The following PLCB1 variants were observed in gnomAD, a reference collection of about 807,000 sequenced individuals.
PLCB1 encodes the protein phospholipase C beta 1, also known as 1-phosphatidylinositol 4,5-bisphosphate phosphodiesterase beta-1.
Under a neutral mutation model 161.8 loss-of-function variants are expected in PLCB1, and 46 were observed. The observed-to-expected ratio is 0.28, with a 90% CI of 0.22 to 0.36. PLCB1 has a LOEUF of 0.36. Ranked by LOEUF, PLCB1 falls within the 10% of genes least tolerant of loss-of-function variation. The pLI, the probability that PLCB1 is intolerant of heterozygous loss-of-function variation, is 1.00. For missense variants in PLCB1, 1,016 were observed against 1,472.5 expected (o/e 0.69, Z 5.07); for synonymous variants, 517 against 503.7 (o/e 1.03, Z -0.35).
chr20:8,670,435 T>C (rs1989914632), intron 9 of PLCB1, among the ~76,000 whole-genome samples: 1 of 152,194 alleles, frequency 6.6e-6, no homozygotes, highest in Non-Finnish European at 1.5e-5. Context: ...CAGAAAGCTG[T>C]GAGCACTGCG....
chr20:8,506,017 A>T (rs1252443063), intron 3 of PLCB1, among the ~76,000 whole-genome samples: 2 of 152,180 alleles, frequency 1.3e-5, no homozygotes, highest in East Asian at 3.8e-4. Flanking sequence ...GCCCTGCTGT[A>T]TGGAGGAGTG....
intron 9 of PLCB1, among the ~76,000 whole-genome samples, chr20:8,673,505 C>G (rs913550236): frequency 2.0e-5 from 3 of 152,218 alleles, no homozygotes; most frequent in Admixed American, 2.0e-4. Context: ...ACTCAGCCCC[C>G]CAAATCCCTG....
At chr20:8,527,423 C>T (rs1297660835) in intron 3 of PLCB1, among the ~76,000 whole-genome samples, 1 of 151,982 alleles carries the variant, frequency 6.6e-6, no homozygotes, top group Non-Finnish European at 1.5e-5. Context: ...AATAACTATA[C>T]TGCGAGTCAA....
intron 2 of PLCB1, among the ~76,000 whole-genome samples, chr20:8,337,725 CAA>C (rs1395693302): frequency 6.6e-6 from 1 of 152,118 alleles, no homozygotes; most frequent in Non-Finnish European, 1.5e-5. Context: ...AACCCTTTTG[CAA>C]AGTTACACCA....
chr20:8,449,894 C>T (rs1980996518), intron 3 of PLCB1, among the ~76,000 whole-genome samples: 2 of 152,162 alleles, frequency 1.3e-5, no homozygotes, highest in Admixed American at 1.3e-4. Context: ...CATAATCTTA[C>T]TAATGGACTA....
chr20:8,340,783 C>T (rs1464342361), intron 2 of PLCB1, among the ~76,000 whole-genome samples: 3 of 152,152 alleles, frequency 2.0e-5, no homozygotes, highest in Non-Finnish European at 4.4e-5. Context: ...TACCACCGGC[C>T]GAATACCTAA....
intron 3 of PLCB1, among the ~76,000 whole-genome samples, chr20:8,461,077 T>C (rs934213775): frequency 1.3e-5 from 2 of 152,208 alleles, no homozygotes; most frequent in Non-Finnish European, 2.9e-5. Flanking sequence ...TTAATTAATC[T>C]AAATTTAAAT....
intron 2 of PLCB1, among the ~76,000 whole-genome samples, chr20:8,287,246 A>T (rs1020395540): frequency 3.9e-5 from 6 of 152,102 alleles, no homozygotes; most frequent in Non-Finnish European, 8.8e-5. Flanking sequence ...TATATTTAAT[A>T]TTTAATAGTG....
chr20:8,411,451 G>A (rs928741887), intron 3 of PLCB1, among the ~76,000 whole-genome samples: 13 of 152,104 alleles, frequency 8.5e-5, no homozygotes, highest in African/African-American at 2.4e-4. Flanking sequence ...AAACAAGAGT[G>A]GGAACATTTA....
intron 4 of PLCB1, among the ~76,000 whole-genome samples, chr20:8,633,044 A>T (rs1469541808): frequency 1.3e-5 from 2 of 151,372 alleles, no homozygotes; most frequent in African/African-American, 4.9e-5. Context: ...GTTGCTAATG[A>T]CTTAGACCAA....
At chr20:8,284,162 G>T (rs1256855910) in intron 2 of PLCB1, among the ~76,000 whole-genome samples, 2 of 151,932 alleles carry the variant, frequency 1.3e-5, no homozygotes, top group Non-Finnish European at 2.9e-5. Context: ...AATGCTTACT[G>T]CTAGTCTTTT....
intron 3 of PLCB1, among the ~76,000 whole-genome samples, chr20:8,440,401 T>TA (rs893386134): frequency 1.3e-5 from 2 of 152,230 alleles, no homozygotes; most frequent in Non-Finnish European, 2.9e-5. Context: ...ACTTGACTGT[T>TA]ACAGCTAGAA....
rs544813191 is a variant in PLCB1, at chr20:8,865,716, A to C, written c.3424-15906A>C. 1.2e-4 allele frequency among the ~76,000 whole-genome samples: 18 copies of C among 152,280 alleles called. 1 individual carries two copies. Among genetic ancestry groups the C allele is most frequent in the Admixed American group, 1.0e-3 (16 of 15,294 alleles). ...GGGAAAGAAATAGTAGAGATTCCCC[A>C]TATGTCCCCAAAAAGCCCTGCCCTA... On this transcript the variant is annotated intron_variant, in intron 31 of 31. Transcript: ENST00000338037.
intron 31 of PLCB1, among the ~76,000 whole-genome samples, chr20:8,844,405 C>A (rs559367882): frequency 6.6e-6 from 1 of 152,146 alleles, no homozygotes. Context: ...AGCAAGGGCA[C>A]CACTGTCCAA....
intron 2 of PLCB1, among the ~76,000 whole-genome samples, chr20:8,194,520 G>C (rs2052002776): frequency 6.6e-6 from 1 of 151,990 alleles, no homozygotes; most frequent in African/African-American, 2.4e-5. Context: ...TGGACTTAAA[G>C]ATGCAGAAAC....
rs1981363322 is a variant in PLCB1, at chr20:8,457,389, A to G, written c.246+85939A>G. ...TCATTGCTTGTCTTCACCCAGCGTA[A>G]TGCCAGTTGTGTGTCCTTAACATCT... On this transcript the variant is annotated intron_variant, in intron 3 of 31. Coordinates refer to ENST00000338037, the MANE Select transcript of PLCB1 (RefSeq NM_015192.4). Among the ~76,000 whole-genome samples the G allele has an allele frequency of 5.3e-5, 8 of 152,174 alleles. No individual in the cohort carries two copies. In the South Asian group the frequency reaches 1.7e-3, roughly 32 times the overall value.
At chr20:8,537,732 A>G (rs1279415473) in intron 3 of PLCB1, among the ~76,000 whole-genome samples, 1 of 152,192 alleles carries the variant, frequency 6.6e-6, no homozygotes, top group South Asian at 2.1e-4. Flanking sequence ...GAGCCTCCTA[A>G]AATTCTCCAA....
At chr20:8,436,976 GATGAGCTTTC>G (rs773278847) in intron 3 of PLCB1, among the ~76,000 whole-genome samples, 2 of 152,042 alleles carry the variant, frequency 1.3e-5, no homozygotes. Flanking sequence ...TTTTAGTAGA[GATGAGCTTTC>G]ACCATATTGG....
intron 19 of PLCB1, among the ~76,000 whole-genome samples, chr20:8,734,047 G>A (rs1980442312): frequency 6.9e-6 from 1 of 145,526 alleles, no homozygotes; most frequent in Non-Finnish European, 1.5e-5. Flanking sequence ...AGAATGGCGT[G>A]AACCTGGGAG....
Sources: allele counts gnomAD v4.1 joint callset (sites outside exome capture counted in the v4.1 genomes callset), GRCh38; gene constraint gnomAD v4.1.1; transcripts MANE v1.5; gene names NCBI Gene and HGNC (gene_info 2026-07-23, HGNC 2026-07-21).